Variants in INVS observed in about 807,000 individuals in gnomAD.
The protein encoded by INVS is inversion of embryo turning homolog.
INVS carries 86 observed loss-of-function variants against 108.8 expected under a neutral mutation model. The observed-to-expected ratio is 0.79, with a 90% CI of 0.66 to 0.95. INVS has a LOEUF of 0.95. Among genes scored for constraint, INVS ranks in the 40% least tolerant of loss-of-function variants. INVS has a pLI of 0.00. For missense variants in INVS, 1,169 were observed against 1,297.4 expected, an observed-to-expected ratio of 0.90 and a Z score of 1.52; for synonymous variants, 455 against 473.5, an observed-to-expected ratio of 0.96 and a Z score of 0.51.
intron 3 of INVS, among the ~76,000 whole-genome samples, chr9:100,138,941 A>G (rs1361163587): frequency 6.6e-6 from 1 of 152,020 alleles, no homozygotes; most frequent in African/African-American, 2.4e-5. Flanking sequence ...CCTGACCTCA[A>G]GCAATCCACC....
At position 100,300,865 on chromosome 9, in the gene INVS, G is replaced by GTCAA. The variant is rs1448869441; in HGVS notation, c.*196_*199dup. On this transcript the variant is annotated 3_prime_UTR_variant, in exon 17 of 17. Transcript: ENST00000262457. ...TTCTGCTCTTACACAGCATTGTTTT[G>GTCAA]TCAATCAACACAGCCTGCACTGAAA... 1 of 626,312 alleles carries GTCAA rather than the reference G, an allele frequency of 1.6e-6. No individual in the cohort carries two copies. The highest frequency in any genetic ancestry group is 2.9e-6 in the Non-Finnish European group (1 of 349,662). 38.8% of individuals were successfully genotyped at this position (626,312 alleles called of 1,614,324 possible). A position where few individuals can be genotyped will look rare whatever the true frequency, so the allele number is the denominator to read the frequency against.
rs774899203 is a variant in INVS, at chr9:100,142,844, C to T, written c.273+16295C>T. Reference sequence around the variant, plus strand: ...TTGTTTGGACAGAAAGGCTATAGGACGTGGTCCCAGCTCTTGTGTAAGAAT... The same window carrying T: ...TTGTTTGGACAGAAAGGCTATAGGATGTGGTCCCAGCTCTTGTGTAAGAAT... On this transcript the variant is annotated intron_variant, in intron 3 of 16. Coordinates refer to ENST00000262457, the MANE Select transcript of INVS (RefSeq NM_014425.5). Among the ~76,000 whole-genome samples, 165 of 152,092 alleles carry T rather than the reference C, an allele frequency of 1.1e-3. 5 individuals are homozygous for T. The highest frequency in any genetic ancestry group is 6.2e-4 in the South Asian group (3 of 4,818).
chr9:100,200,622 A>G (rs1037781237), intron 3 of INVS, among the ~76,000 whole-genome samples: 1 of 152,178 alleles, frequency 6.6e-6, no homozygotes, highest in Admixed American at 6.5e-5. Flanking sequence ...CCTCTAACTA[A>G]GTGGAACTCA....
At chr9:100,259,667 A>C (rs937658476) in intron 10 of INVS, among the ~76,000 whole-genome samples, 2 of 150,190 alleles carry the variant, frequency 1.3e-5, no homozygotes, top group African/African-American at 4.9e-5. Flanking sequence ...CCTCCTGAGT[A>C]GCTGAGAGGG....
intron 2 of INVS, among the ~76,000 whole-genome samples, chr9:100,123,004 T>A (rs1261139718): frequency 2.0e-5 from 3 of 152,184 alleles, no homozygotes; most frequent in Non-Finnish European, 4.4e-5. Flanking sequence ...CACTGCATGT[T>A]CCTTCTATTT....
rs1833978708 is a variant in INVS, at chr9:100,301,764, T to G, written c.*1090T>G. 6.6e-6 allele frequency among the ~76,000 whole-genome samples: 1 copy of G among 150,868 alleles called. No individual in the cohort carries two copies. Among genetic ancestry groups the G allele is most frequent in the Non-Finnish European group, 1.5e-5 (1 of 67,538 alleles). On this transcript the variant is annotated 3_prime_UTR_variant, in exon 17 of 17. Transcript: ENST00000262457. ...GTGCTAACGGTAAGAGATAGACAGA[T>G]AGGCAATGAAGTGTTCACTTAATTA...
At chr9:100,140,525 C>T (rs1353426225) in intron 3 of INVS, among the ~76,000 whole-genome samples, 2 of 152,120 alleles carry the variant, frequency 1.3e-5, no homozygotes, top group Non-Finnish European at 2.9e-5. Context: ...AGGAACCGGC[C>T]ATCTGGATGT....
chr9:100,100,591 TATATGTACATATAATATATATAA>T, intron 1 of INVS, among the ~76,000 whole-genome samples: 2 of 93,848 alleles, frequency 2.1e-5, no homozygotes, highest in African/African-American at 4.4e-5. Flanking sequence ...ATATATATAA[TATATGTACATATAATATATATAA>T]TATATGTATA....
At chr9:100,218,892 G>T (rs1364701908) in intron 3 of INVS, among the ~76,000 whole-genome samples, 4 of 152,102 alleles carry the variant, frequency 2.6e-5, no homozygotes, top group Admixed American at 2.0e-4. Flanking sequence ...GATCTGTGTA[G>T]GAGCAGATTG....
chr9:100,272,966 C>A lies in INVS; in HGVS notation c.1674C>A (p.Ala558=), dbSNP rs143140689. The change falls in exon 12 of 17, where the codon GCC becomes GCA. Residue 558 remains alanine (A), a synonymous_variant. Transcript: ENST00000262457. ...ALSIAAIQDI[A]AFKIQAVYKG... is the part of the protein sequence containing the mutation. ...CCATCGCAGCCATACAAGACATCGCCGCCTTCAAAATCCAAGCTGTCTACA... is the reference window on the plus strand; with the variant it reads ...CCATCGCAGCCATACAAGACATCGCAGCCTTCAAAATCCAAGCTGTCTACA... 4.3e-6 allele frequency: 7 copies of A among 1,613,856 alleles called. No homozygotes were observed. The highest frequency in any genetic ancestry group is 1.7e-5 in the Admixed American group (1 of 59,976).
At chr9:100,289,445 CATA>C (rs1168235976) in intron 13 of INVS, among the ~76,000 whole-genome samples, 1 of 152,142 alleles carries the variant, frequency 6.6e-6, no homozygotes. Flanking sequence ...TCTCTTGTGG[CATA>C]ATAAAACACT....
At chr9:100,198,844 G>C (rs1830461321) in intron 3 of INVS, among the ~76,000 whole-genome samples, 1 of 152,084 alleles carries the variant, frequency 6.6e-6, no homozygotes, top group South Asian at 2.1e-4. Flanking sequence ...GCCTGCCTCA[G>C]CCTCCCAAAG....
chr9:100,100,502 A>G (rs1368792941), intron 1 of INVS, among the ~76,000 whole-genome samples: 5 of 141,954 alleles, frequency 3.5e-5, no homozygotes, highest in African/African-American at 1.3e-4. Flanking sequence ...TCATCCAACA[A>G]ACATCTACTG....
chr9:100,283,065 T>C (rs1378831254), intron 12 of INVS, among the ~76,000 whole-genome samples: 2 of 152,080 alleles, frequency 1.3e-5, no homozygotes, highest in African/African-American at 2.4e-5. Context: ...TCCCAACCCT[T>C]TGGGAGGCTA....
chr9:100,284,272 G>A, intron 12 of INVS, 48 bp from the exon 13 acceptor site: 2 of 1,607,530 alleles, frequency 1.2e-6, no homozygotes, highest in East Asian at 4.5e-5. Flanking sequence ...ACTTGAGGAG[G>A]TGATACTCTT....
Position 100,282,546 on chromosome 9 carries a change from T to C in INVS, c.1785-1774T>C, listed in dbSNP as rs150994698. 6.1e-3 allele frequency among the ~76,000 whole-genome samples: 933 copies of C among 152,330 alleles called. 7 individuals carry two copies. Among genetic ancestry groups the C allele is most frequent in the South Asian group, 0.02 (95 of 4,826 alleles). On this transcript the variant is annotated intron_variant, in intron 12 of 16. Coordinates refer to ENST00000262457, the MANE Select transcript of INVS (RefSeq NM_014425.5). ...TGTAAATCAAAATGTAACCCAGATGTATGTCAGCTGGGGCTTTCCTGTCGC... is the reference window on the plus strand; with the variant it reads ...TGTAAATCAAAATGTAACCCAGATGCATGTCAGCTGGGGCTTTCCTGTCGC...
intron 5 of INVS, among the ~76,000 whole-genome samples, chr9:100,233,310 T>C (rs1356259953): frequency 6.6e-6 from 1 of 152,220 alleles, no homozygotes; most frequent in Non-Finnish European, 1.5e-5. Flanking sequence ...AATCATGTCA[T>C]CTGCAAACAG....
At chr9:100,159,639 T>C (rs1174187911) in intron 3 of INVS, among the ~76,000 whole-genome samples, 2 of 152,170 alleles carry the variant, frequency 1.3e-5, no homozygotes, top group African/African-American at 2.4e-5. Flanking sequence ...CTCTGGTGTT[T>C]GTAGCACCTC....
chr9:100,248,107 C>T lies in INVS; in HGVS notation c.1078+1320C>T, dbSNP rs544730770. On this transcript the variant is annotated intron_variant, in intron 8 of 16. Transcript: ENST00000262457. ...TGCTGGGGTTACAGGTGTGAGCCACCGTGCCCGGCCAGCAGATCTTAAATT... is the reference window on the plus strand; with the variant it reads ...TGCTGGGGTTACAGGTGTGAGCCACTGTGCCCGGCCAGCAGATCTTAAATT... Among the ~76,000 whole-genome samples, 19 of 152,190 alleles carry T rather than the reference C, an allele frequency of 1.2e-4. No individual in the cohort carries two copies. The South Asian group carries it at 1.7e-3, about 13-fold the overall frequency.
Sources: allele counts gnomAD v4.1 joint callset (sites outside exome capture counted in the v4.1 genomes callset), GRCh38; gene constraint gnomAD v4.1.1; transcripts MANE v1.5; gene names NCBI Gene and HGNC (gene_info 2026-07-23, HGNC 2026-07-21).